Variants in ARHGEF4 observed in about 807,000 individuals in gnomAD.
ARHGEF4 encodes APC-stimulated guanine nucleotide exchange factor 1.
A neutral mutation model predicts 162.0 loss-of-function variants in ARHGEF4; 119 were observed. The ratio of observed to expected loss-of-function variants is 0.73; its 90% confidence interval spans 0.63 to 0.86. The LOEUF is 0.86. Among genes scored for constraint, ARHGEF4 ranks in the 40% least tolerant of loss-of-function variants. The pLI is 0.00. For synonymous variants in ARHGEF4, 1,014 were observed against 979.9 expected (o/e 1.03, Z -0.65); for missense variants, 2,488 against 2,456.0 (o/e 1.01, Z -0.28).
At chr2:130,853,545 A>G (rs4850302) in intron 1 of ARHGEF4, among the ~76,000 whole-genome samples, 30,111 of 152,186 alleles carry the variant, frequency 0.2, 3,485 homozygotes, top group African/African-American at 0.3. Flanking sequence ...GTCTTCGCTC[A>G]GCAGGCCTGG....
At chr2:130,906,865 A>G (rs554582078) in intron 1 of ARHGEF4, among the ~76,000 whole-genome samples, 32 of 152,274 alleles carry the variant, frequency 2.1e-4, no homozygotes, top group African/African-American at 5.1e-4. Context: ...GGTTTCCCCA[A>G]TGTTCTGGTG....
rs1691321922 is a variant in ARHGEF4, at chr2:131,047,107, T to C, written c.*918T>C. 1 of 152,476 alleles carries C rather than the reference T, an allele frequency of 6.6e-6. No individual in the cohort carries two copies. The highest frequency in any genetic ancestry group is 1.5e-5 in the Non-Finnish European group (1 of 68,110). The allele number at this position is 152,476 out of a possible 1,614,324, so 9.4% of individuals were successfully genotyped here. A position where few individuals can be genotyped will look rare whatever the true frequency, so the allele number is the denominator to read the frequency against. On this transcript the variant is annotated 3_prime_UTR_variant, in exon 14 of 14. Coordinates refer to ENST00000409359, the MANE Select transcript of ARHGEF4 (RefSeq NM_001367493.1). ...GGTGTGTGGAGATGGCGCCCTGTCCTGCCAAGGGGCGCCAGGAGCAGAGCC... is the reference window on the plus strand; with the variant it reads ...GGTGTGTGGAGATGGCGCCCTGTCCCGCCAAGGGGCGCCAGGAGCAGAGCC...
chr2:130,885,807 T>G (rs1679487078), intron 1 of ARHGEF4, among the ~76,000 whole-genome samples: 1 of 151,554 alleles, frequency 6.6e-6, no homozygotes, highest in Non-Finnish European at 1.5e-5. Context: ...CCTGACCTAG[T>G]GATCCACCCA....
At chr2:130,963,613 G>GA (rs1684770721) in intron 4 of ARHGEF4, 1 of 147,816 alleles carries the variant, frequency 6.8e-6, no homozygotes, top group South Asian at 2.1e-4. Flanking sequence ...ACGACCCGGA[G>GA]CCCCGCGCCC....
intron 5 of ARHGEF4, chr2:131,035,462 C>A: frequency 2.4e-6 from 1 of 424,128 alleles, no homozygotes; most frequent in Non-Finnish European, 3.6e-6. Context: ...GTCCTTCTGT[C>A]CTCTGTGCCC....
At chr2:130,993,933 C>T (rs1286583582) in intron 4 of ARHGEF4, among the ~76,000 whole-genome samples, 2 of 152,052 alleles carry the variant, frequency 1.3e-5, no homozygotes, top group Non-Finnish European at 2.9e-5. Context: ...ATAGGCACCA[C>T]CGCACCTGGC....
At chr2:130,956,269 G>A (rs1046275655) in intron 4 of ARHGEF4, among the ~76,000 whole-genome samples, 3 of 152,080 alleles carry the variant, frequency 2.0e-5, no homozygotes, top group African/African-American at 7.2e-5. Flanking sequence ...ACCACAATGA[G>A]ATACCATCTC....
chr2:130,956,178 T>G (rs1163506803), intron 4 of ARHGEF4, among the ~76,000 whole-genome samples: 1 of 152,154 alleles, frequency 6.6e-6, no homozygotes, highest in African/African-American at 2.4e-5. Flanking sequence ...CAGACACTTC[T>G]CAAAAGAAGA....
At chr2:130,980,547 G>C (rs1238744849) in intron 4 of ARHGEF4, among the ~76,000 whole-genome samples, 1 of 152,124 alleles carries the variant, frequency 6.6e-6, no homozygotes, top group African/African-American at 2.4e-5. Context: ...AACGAAACAG[G>C]GAGAAAGTAA....
rs778882777 is a variant in ARHGEF4, at chr2:131,043,492, C to T, written c.5066C>T (p.Ser1689Leu). 1.1e-5 allele frequency: 17 copies of T among 1,614,036 alleles called. No homozygotes were observed. The highest frequency in any genetic ancestry group is 6.7e-5 in the Admixed American group (4 of 60,024). Residue 1689 changes from serine (S) to leucine (L), a missense_variant, in exon 11 of 14, where the codon TCG becomes TTG. By Grantham distance (145) the Ser-to-Leu change is moderately radical (BLOSUM62 -2). Around this residue, in one of 6 missense-constraint regions of ARHGEF4, gnomAD observed 415 missense variants for 512.4 expected, o/e 0.81. Transcript: ENST00000409359. ...GTCAGGAGCTCAGAACTCATCTACT[C>T]GGGGGAGCTGACTCGAGTTACACAG... The part of the protein sequence containing the change: ...LLVRSSELIY[S>L]GELTRVTQPQ...
At chr2:130,962,177 T>TGCA (rs920012685) in intron 4 of ARHGEF4, among the ~76,000 whole-genome samples, 14 of 150,766 alleles carry the variant, frequency 9.3e-5, no homozygotes, top group Admixed American at 2.0e-4. Flanking sequence ...AGTCGTAGGT[T>TGCA]GCAGTGAGCT....
intron 1 of ARHGEF4, among the ~76,000 whole-genome samples, chr2:130,883,743 C>T (rs980814057): frequency 1.3e-5 from 2 of 152,080 alleles, no homozygotes; most frequent in African/African-American, 4.8e-5. Context: ...CTGATGCAGC[C>T]GTGGGCACAC....
intron 1 of ARHGEF4, among the ~76,000 whole-genome samples, chr2:130,910,099 A>G (rs751314655): frequency 6.6e-6 from 1 of 152,088 alleles, no homozygotes; most frequent in Non-Finnish European, 1.5e-5. Flanking sequence ...AGAAATACCT[A>G]ATGTAGGTGA....
chr2:131,017,042 A>T (rs1558856482), intron 4 of ARHGEF4, among the ~76,000 whole-genome samples: 1 of 152,252 alleles, frequency 6.6e-6, no homozygotes, highest in African/African-American at 2.4e-5. Context: ...TTCAGAATGA[A>T]TCAGAGACTG....
chr2:130,962,170 C>G (rs954691069), intron 4 of ARHGEF4, among the ~76,000 whole-genome samples: 1 of 149,952 alleles, frequency 6.7e-6, no homozygotes, highest in African/African-American at 2.5e-5. Flanking sequence ...ACCAGCGAGT[C>G]GTAGGTTGCA....
At chr2:130,924,281 CTTT>C (rs56004099) in intron 2 of ARHGEF4, among the ~76,000 whole-genome samples, 9 of 140,320 alleles carry the variant, frequency 6.4e-5, no homozygotes, top group Admixed American at 7.1e-5. Flanking sequence ...GGCATAGTTC[CTTT>C]TTTTTTTTTT....
chr2:130,839,706 A>G (rs1680472507), intron 1 of ARHGEF4, among the ~76,000 whole-genome samples: 1 of 152,096 alleles, frequency 6.6e-6, no homozygotes, highest in Non-Finnish European at 1.5e-5. Flanking sequence ...TTGTCTCAAA[A>G]ATCCAGAGGC....
intron 4 of ARHGEF4, among the ~76,000 whole-genome samples, chr2:131,013,490 G>C (rs137914846): frequency 6.6e-6 from 1 of 152,186 alleles, no homozygotes; most frequent in Non-Finnish European, 1.5e-5. Flanking sequence ...AAGCTCAAAC[G>C]TTAGAGTTTC....
intron 4 of ARHGEF4, among the ~76,000 whole-genome samples, chr2:130,984,288 AG>A (rs776291824): frequency 3.3e-5 from 5 of 152,202 alleles, no homozygotes; most frequent in Non-Finnish European, 5.9e-5. Context: ...AACCCTGCTT[AG>A]AACAGCAGCA....
Sources: gnomAD v4.1 joint callset for allele counts (sites outside exome capture counted in the v4.1 genomes callset) on GRCh38, gnomAD v4.1.1 for gene constraint, gnomAD v4.1.1 regional missense constraint, MANE v1.5 for transcripts, NCBI Gene and HGNC (gene_info 2026-07-23, HGNC 2026-07-21) for gene names.